The following PPM1G variants were observed in gnomAD, a reference collection of about 807,000 sequenced individuals.
The protein encoded by PPM1G is protein phosphatase 1G.
In PPM1G, 12 loss-of-function variants were observed where a neutral mutation model predicts 59.4. The ratio of observed to expected loss-of-function variants is 0.20; its 90% CI spans 0.13 to 0.33. The LOEUF (loss-of-function observed/expected upper bound fraction) is 0.33, where lower values mean the gene tolerates loss of function less well. Among genes scored for constraint, PPM1G ranks in the 10% least tolerant of loss-of-function variants. PPM1G has a pLI of 1.00. For missense variants in PPM1G, 392 were observed against 681.3 expected, an observed-to-expected ratio of 0.58 and a Z score of 4.73; for synonymous variants, 245 against 251.9, an observed-to-expected ratio of 0.97 and a Z score of 0.26.
intron 1 of PPM1G, among the ~76,000 whole-genome samples, chr2:27,402,842 AAATAAAT>A (rs1238946047): frequency 2.9e-4 from 42 of 143,266 alleles, no homozygotes; most frequent in African/African-American, 1.1e-3. Flanking sequence ...ATAAATAAAT[AAATAAAT>A]AAATAAAATA....
chr2:27,389,781 T>A (rs568496051), intron 1 of PPM1G, among the ~76,000 whole-genome samples: 11 of 152,004 alleles, frequency 7.2e-5, no homozygotes, highest in Non-Finnish European at 1.5e-5. Flanking sequence ...CTAGGCAACA[T>A]AGCAAGACCC....
intron 1 of PPM1G, among the ~76,000 whole-genome samples, chr2:27,398,855 C>G (rs1228214679): frequency 6.6e-6 from 1 of 151,304 alleles, no homozygotes; most frequent in African/African-American, 2.4e-5. Flanking sequence ...AGAAAGCCAG[C>G]AAAAAGAATC....
chr2:27,384,216 T>C lies in PPM1G; in HGVS notation c.826-124A>G. 1 of 1,477,312 alleles carries C rather than the reference T, an allele frequency of 6.8e-7. No homozygotes were observed. Among genetic ancestry groups the C allele is most frequent in the Non-Finnish European group, 9.1e-7 (1 of 1,098,584 alleles). The allele number at this position is 1,477,312 out of a possible 1,614,324, so 91.5% of individuals were successfully genotyped here. On this transcript the variant is annotated intron_variant, in intron 5 of 9. Transcript: ENST00000344034. This position sits in a 1 kb window ranked among gnomAD's most constrained non-coding sequence, Gnocchi z 4.8. ...CTCAAAACACTGAAAGATACAAGTA[T>C]ATGGTCATGAAAATTGGGGGGATGG...
chr2:27,392,301 T>G (rs1400862065), intron 1 of PPM1G, among the ~76,000 whole-genome samples: 4 of 146,574 alleles, frequency 2.7e-5, no homozygotes, highest in South Asian at 2.1e-4. Context: ...TTTTTTTTTT[T>G]TTTTTTTTTG....
intron 1 of PPM1G, among the ~76,000 whole-genome samples, chr2:27,407,258 G>GC (rs1198086478): frequency 6.6e-6 from 1 of 151,664 alleles, no homozygotes; most frequent in African/African-American, 2.4e-5. Flanking sequence ...GAGCCACCAT[G>GC]CCTGGCCTAT....
At chr2:27,388,373 C>T (rs898547008) in intron 1 of PPM1G, among the ~76,000 whole-genome samples, 3 of 152,000 alleles carry the variant, frequency 2.0e-5, no homozygotes, top group East Asian at 2.0e-4. Context: ...CACACCACTG[C>T]GCTCCAGCCT....
chr2:27,395,679 C>T (rs542205480), intron 1 of PPM1G, among the ~76,000 whole-genome samples: 12 of 151,834 alleles, frequency 7.9e-5, no homozygotes, highest in Non-Finnish European at 1.3e-4. Context: ...TCTGTCTCTA[C>T]GAAAAAATTT....
chr2:27,408,001 C>A (rs1253995174), intron 1 of PPM1G, among the ~76,000 whole-genome samples: 1 of 151,494 alleles, frequency 6.6e-6, no homozygotes, highest in African/African-American at 2.4e-5. Flanking sequence ...GAGCCGAGAT[C>A]GCGCCATTGC....
At chr2:27,393,920 C>T (rs1346210574) in intron 1 of PPM1G, among the ~76,000 whole-genome samples, 1 of 152,142 alleles carries the variant, frequency 6.6e-6, no homozygotes, top group African/African-American at 2.4e-5. Flanking sequence ...CCTGCCAAGA[C>T]GCTCGGCTGA....
At chr2:27,406,595 A>C (rs1663366651) in intron 1 of PPM1G, among the ~76,000 whole-genome samples, 1 of 152,206 alleles carries the variant, frequency 6.6e-6, no homozygotes, top group Non-Finnish European at 1.5e-5. Context: ...AGATCTCTAC[A>C]CACTAAACCG....
At chr2:27,401,882 A>G (rs1684187256) in intron 1 of PPM1G, among the ~76,000 whole-genome samples, 1 of 152,050 alleles carries the variant, frequency 6.6e-6, no homozygotes, top group African/African-American at 2.4e-5. Flanking sequence ...ACTGAATTAT[A>G]CCCTTAAAAT....
Position 27,398,838 on chromosome 2 carries a change from AAAAG to A in PPM1G, c.120+10461_120+10464del, listed in dbSNP as rs1014711017. ...TCCGTCTCAAAAAAAAAAAGAAAAA[AAAAG>A]AAAGAAAGCCAGCAAAAAGAATCAG... is the stretch of plus-strand genomic sequence containing the variant. On this transcript the variant is annotated intron_variant, in intron 1 of 9. Transcript: ENST00000344034. 4.6e-5 allele frequency among the ~76,000 whole-genome samples: 7 copies of A among 151,870 alleles called. No individual in the cohort carries two copies. In the South Asian group the frequency reaches 6.2e-4, roughly 13 times the overall value.
chr2:27,400,725 C>T (rs902264323), intron 1 of PPM1G, among the ~76,000 whole-genome samples: 1 of 152,156 alleles, frequency 6.6e-6, no homozygotes, highest in Non-Finnish European at 1.5e-5. Context: ...CTTTTGCTTC[C>T]CTTCCATCAA....
In PPM1G at chr2:27,384,955, T is replaced by C. The variant is rs759270434; in HGVS notation, c.543A>G (p.Pro181=). ...SKSGGGTGEE[P]GSQGLNGEAG... ...CCTCCCCATTGAGGCCCTGGGACCC[T>C]GGTTCCTCGCCTGTCCCACCTCCAG... The change falls in exon 5 of 10, where the codon CCA becomes CCG. Residue 181 remains proline (P), a synonymous_variant. Coordinates refer to ENST00000344034, the MANE Select transcript of PPM1G (RefSeq NM_177983.3). The surrounding 1 kb of genome is among the most constrained non-coding windows in gnomAD (Gnocchi z 4.8). 1.1e-5 allele frequency: 17 copies of C among 1,614,106 alleles called. No homozygotes were observed. Among genetic ancestry groups the C allele is most frequent in the Middle Eastern group, 3.3e-4 (2 of 6,084 alleles).
rs70953857 is a variant in PPM1G at position 27,392,286 on chromosome 2, G to GTTTTTTTTT, written c.121-5137_121-5129dup. On this transcript the variant is annotated intron_variant, in intron 1 of 9. Transcript: ENST00000344034. ...TTACTTTGTTTTGTTGGTTTGTTTT[G>GTTTTTTTTT]TTTTTTTTTTTTTTTTTTTTTTTTG... is the stretch of plus-strand genomic sequence containing the variant. Among the ~76,000 whole-genome samples, 278 of 70,256 alleles carry GTTTTTTTTT rather than the reference G, an allele frequency of 4.0e-3. 3 individuals carry two copies. The highest frequency in any genetic ancestry group is 0.018 in the Middle Eastern group (2 of 112). The allele number at this position is 70,256 out of a possible 152,430, so 46.1% of individuals were successfully genotyped here.
intron 3 of PPM1G, 130 bp downstream of exon 3, chr2:27,386,064 T>C: frequency 1.6e-6 from 2 of 1,248,052 alleles, no homozygotes; most frequent in South Asian, 1.4e-5. Context: ...AAGCTCGTTT[T>C]AGGAACAGAA....
intron 1 of PPM1G, among the ~76,000 whole-genome samples, chr2:27,403,569 A>G (rs1684234640): frequency 6.6e-6 from 1 of 152,096 alleles, no homozygotes; most frequent in Non-Finnish European, 1.5e-5. Context: ...GCGTTTTTAT[A>G]AAAGTTGCTA....
Position 27,383,114 on chromosome 2 carries a change from G to GC in PPM1G, c.1201+251dup, listed in dbSNP as rs749206320. Among the ~76,000 whole-genome samples, 1 of 152,040 alleles carries GC rather than the reference G, an allele frequency of 6.6e-6. No individual in the cohort carries two copies. Among genetic ancestry groups the GC allele is most frequent in the East Asian group, 1.9e-4 (1 of 5,188 alleles). On this transcript the variant is annotated intron_variant, in intron 7 of 9. Transcript: ENST00000344034. This position sits in a 1 kb window ranked among gnomAD's most constrained non-coding sequence, Gnocchi z 5.0. ...GCCTCCCAAAGTGCTGGGATTACAGGCGTGAGCCACCACGCCCGGCACTCA... is the reference window on the plus strand; with the variant it reads ...GCCTCCCAAAGTGCTGGGATTACAGGCCGTGAGCCACCACGCCCGGCACTCA...
intron 1 of PPM1G, among the ~76,000 whole-genome samples, chr2:27,397,435 C>T (rs1684078969): frequency 6.6e-6 from 1 of 152,046 alleles, no homozygotes; most frequent in South Asian, 2.1e-4. Flanking sequence ...CAAAAATCCT[C>T]AACAAAATAG....
Sources: gnomAD v4.1 joint callset for allele counts (sites outside exome capture counted in the v4.1 genomes callset) on GRCh38, gnomAD v4.1.1 for gene constraint, Gnocchi (gnomAD v3.1) non-coding constraint, MANE v1.5 for transcripts, NCBI Gene and HGNC (gene_info 2026-07-23, HGNC 2026-07-21) for gene names.